BAHD1: variants seen among roughly 807,000 people sequenced by gnomAD.
The protein encoded by BAHD1 is bromo adjacent homology domain-containing 1 protein.
Under a neutral mutation model 63.1 loss-of-function variants are expected in BAHD1, and 20 were observed. The ratio of observed to expected loss-of-function variants is 0.32; its 90% CI spans 0.22 to 0.46. The LOEUF (loss-of-function observed/expected upper bound fraction) is 0.46, where lower values mean the gene tolerates loss of function less well. BAHD1 is among the 20% of genes least tolerant of loss of function. The pLI is 1.00. For synonymous variants in BAHD1, 408 were observed against 426.8 expected (o/e 0.96, Z 0.54); for missense variants, 939 against 1,071.8 (o/e 0.88, Z 1.73).
chr15:40,454,579 G>C (rs1893796372), intron 1 of BAHD1: 1 of 152,198 alleles, frequency 6.6e-6, no homozygotes, highest in Non-Finnish European at 1.5e-5. Flanking sequence ...CCTGGCAGCT[G>C]TGTCAGAGCT....
chr15:40,464,253 T>A (rs1265676427), intron 4 of BAHD1: 1 of 648,550 alleles, frequency 1.5e-6, no homozygotes, highest in Non-Finnish European at 2.6e-6. Flanking sequence ...TGGGCACCTG[T>A]CCCCCCACCT....
chr15:40,459,703 G>A lies in BAHD1; in HGVS notation c.1239G>A (p.Glu413=). 1.9e-6 allele frequency: 3 copies of A among 1,614,018 alleles called. No homozygotes were observed. The highest frequency in any genetic ancestry group is 2.5e-6 in the Non-Finnish European group (3 of 1,179,992). Residue 413 remains glutamate, a synonymous_variant, in exon 2 of 7, where the codon GAG becomes GAA. Coordinates refer to ENST00000416165, the MANE Select transcript of BAHD1 (RefSeq NM_014952.5). Reference sequence around the variant, plus strand: ...CCCCAGTGGCTGCACCTCACGAGGAGGGGCTCCTCTTAGCTCCGAGCTCAG... The same window carrying A: ...CCCCAGTGGCTGCACCTCACGAGGAAGGGCTCCTCTTAGCTCCGAGCTCAG... ...KLSPVAAPHE[E]GLLLAPSSVP...
chr15:40,443,648 T>C (rs535719895), intron 1 of BAHD1, among the ~76,000 whole-genome samples: 30 of 152,260 alleles, frequency 2.0e-4, no homozygotes, highest in Admixed American at 1.2e-3. Context: ...TCTCCCTCTC[T>C]TTCTTCCTTT....
At chr15:40,449,138 G>GT (rs201038799) in intron 1 of BAHD1, among the ~76,000 whole-genome samples, 90 of 151,996 alleles carry the variant, frequency 5.9e-4, no homozygotes, top group Middle Eastern at 3.4e-3. Flanking sequence ...CTTTGTACCT[G>GT]TTTTTTTTCC....
At chr15:40,438,556 A>C (rs1200870311), upstream of BAHD1, among the ~76,000 whole-genome samples, 1 of 152,134 alleles carries the variant, frequency 6.6e-6, no homozygotes. Context: ...GAACTCCTCC[A>C]GCGGCCAGGC....
chr15:40,437,540 G>C (rs1298776167), upstream of BAHD1, among the ~76,000 whole-genome samples: 1 of 152,238 alleles, frequency 6.6e-6, no homozygotes, highest in African/African-American at 2.4e-5. Flanking sequence ...CCAAAGAGCT[G>C]TGCCCTTCAG....
chr15:40,459,791 G>T lies in BAHD1; in HGVS notation c.1327G>T (p.Asp443Tyr), dbSNP rs1383230040. Residue 443 changes from aspartate to tyrosine, a missense_variant, in exon 2 of 7, where the codon GAC (aspartate) becomes TAC (tyrosine). Asp to Tyr is a radical substitution (Grantham distance 160). Around this residue, in one of 5 missense-constraint regions of BAHD1, gnomAD observed 797 missense variants for 813.3 expected, o/e 0.98. Transcript: ENST00000416165. ...CTCCTCTCGCTACTGCTCTAGCGAGGACACTGGAGTGAATGGCTACAGCAT... is the reference window on the plus strand; with the variant it reads ...CTCCTCTCGCTACTGCTCTAGCGAGTACACTGGAGTGAATGGCTACAGCAT... ...WGSSRYCSSE[D>Y]TGVNGYSICG... 1.9e-6 allele frequency: 3 copies of T among 1,613,668 alleles called. No individual in the cohort carries two copies. Among genetic ancestry groups the T allele is most frequent in the South Asian group, 2.2e-5 (2 of 91,092 alleles).
intron 1 of BAHD1, among the ~76,000 whole-genome samples, chr15:40,449,524 G>C (rs1181853942): frequency 6.6e-6 from 1 of 152,252 alleles, no homozygotes; most frequent in East Asian, 1.9e-4. Flanking sequence ...ATGAGGCCAG[G>C]CATGGTGACT....
Position 40,458,708 on chromosome 15 carries a change from G to A in BAHD1, c.244G>A (p.Gly82Ser), listed in dbSNP as rs1309762687. The A allele has an allele frequency of 1.1e-5, 18 of 1,613,738 alleles. No homozygotes were observed. Among genetic ancestry groups the A allele is most frequent in the South Asian group, 4.4e-5 (4 of 91,078 alleles). The change falls in exon 2 of 7, where the codon GGT becomes AGT. Residue 82 changes from glycine to serine, a missense_variant. Coordinates refer to ENST00000416165, the MANE Select transcript of BAHD1 (RefSeq NM_014952.5). This position sits in a 1 kb window ranked among gnomAD's most constrained non-coding sequence, Gnocchi z 4.7. ...GCTGACTCGCCTGGAGAATGTGGCC[G>A]GTCCCCGGAGTGCAGATGAGGCTGA... ...VLLTRLENVA[G>S]PRSADEADEL...
chr15:40,462,514 GAC>G (rs1440295340), intron 3 of BAHD1, among the ~76,000 whole-genome samples: 1 of 152,014 alleles, frequency 6.6e-6, no homozygotes, highest in African/African-American at 2.4e-5. Flanking sequence ...GAGGTCAGGA[GAC>G]ACACAGTCAT....
chr15:40,449,366 CT>C (rs1298821514), intron 1 of BAHD1, among the ~76,000 whole-genome samples: 2 of 152,208 alleles, frequency 1.3e-5, no homozygotes, highest in African/African-American at 4.8e-5. Flanking sequence ...TAGTTCTTTG[CT>C]CCTGATTTCA....
rs1595858893 is a variant in BAHD1 at position 40,458,936 on chromosome 15, G to C, written c.472G>C (p.Asp158His). 1 of 1,595,092 alleles carries C rather than the reference G, an allele frequency of 6.3e-7. No individual in the cohort carries two copies. Among genetic ancestry groups the C allele is most frequent in the East Asian group, 2.2e-5 (1 of 44,670 alleles). The change falls in exon 2 of 7, where the codon GAT becomes CAT. Residue 158 changes from aspartate (D) to histidine (H), a missense_variant. Around this residue, in one of 5 missense-constraint regions of BAHD1, gnomAD observed 797 missense variants for 813.3 expected, o/e 0.98. Coordinates refer to ENST00000416165, the MANE Select transcript of BAHD1 (RefSeq NM_014952.5). This position sits in a 1 kb window ranked among gnomAD's most constrained non-coding sequence, Gnocchi z 4.7. The part of the protein sequence containing the change: ...AGDPHRSRDR[D>H]RATGGWSSSK... ...GGATCCCCACCGCAGCCGTGACCGT[G>C]ATCGTGCTACTGGGGGCTGGTCCTC...
At chr15:40,460,769 TC>T (rs141164559) in intron 2 of BAHD1, among the ~76,000 whole-genome samples, 1,810 of 152,286 alleles carry the variant, frequency 0.012, 27 homozygotes, top group South Asian at 0.065. Flanking sequence ...CTTCCAGATC[TC>T]CCTTCCCCTG....
chr15:40,450,953 C>T (rs1024816483), intron 1 of BAHD1, among the ~76,000 whole-genome samples: 3 of 151,984 alleles, frequency 2.0e-5, no homozygotes, highest in Non-Finnish European at 4.4e-5. Flanking sequence ...GCCTGGCCAA[C>T]ATGGTGAAAA....
At chr15:40,460,601 T>A (rs1595861096) in intron 2 of BAHD1, among the ~76,000 whole-genome samples, 1 of 152,316 alleles carries the variant, frequency 6.6e-6, no homozygotes, top group Non-Finnish European at 1.5e-5. Context: ...GAGAGGCCCA[T>A]GCTCCGGCTG....
Position 40,459,310 on chromosome 15 carries a change from A to G in BAHD1, c.846A>G (p.Pro282=), listed in dbSNP as rs1323324373. Reference sequence around the variant, plus strand: ...GCTGGCAAGGCTGCCCTGATGAACCATGGCCATCTGCAACTCCTTGTGGGC... The same window carrying G: ...GCTGGCAAGGCTGCCCTGATGAACCGTGGCCATCTGCAACTCCTTGTGGGC... ...PPGWQGCPDE[P]WPSATPCGPS... Residue 282 remains proline (P), a synonymous_variant, in exon 2 of 7, where the codon CCA becomes CCG. Transcript: ENST00000416165. 1 of 1,612,922 alleles carries G rather than the reference A, an allele frequency of 6.2e-7. No individual in the cohort carries two copies. The highest frequency in any genetic ancestry group is 8.5e-7 in the Non-Finnish European group (1 of 1,180,024).
rs553024406 is a variant in BAHD1 at position 40,454,960 on chromosome 15, A to C, written c.-14-3491A>C. On this transcript the variant is annotated intron_variant, in intron 1 of 6. Coordinates refer to ENST00000416165, the MANE Select transcript of BAHD1 (RefSeq NM_014952.5). ...TGGCAGGCTTGTAGCCCCTCCACCC[A>C]GCCCCACCCCAGGGAAAAAGTTGCA... Among the ~76,000 whole-genome samples, 3 of 152,266 alleles carry C rather than the reference A, an allele frequency of 2.0e-5. No homozygotes were observed. In the South Asian group the frequency reaches 6.2e-4, roughly 32 times the overall value.
At chr15:40,451,003 T>C (rs1232235049) in intron 1 of BAHD1, among the ~76,000 whole-genome samples, 1 of 151,692 alleles carries the variant, frequency 6.6e-6, no homozygotes, top group Non-Finnish European at 1.5e-5. Context: ...CTGGGCGTGG[T>C]GGTGGGTGAC....
At chr15:40,456,520 G>A (rs971334187) in intron 1 of BAHD1, among the ~76,000 whole-genome samples, 1 of 152,190 alleles carries the variant, frequency 6.6e-6, no homozygotes, top group African/African-American at 2.4e-5. Context: ...CCAGTTTTCC[G>A]TGTCCTTTCT....
Sources: allele counts gnomAD v4.1 joint callset (sites outside exome capture counted in the v4.1 genomes callset), GRCh38; gene constraint gnomAD v4.1.1; regional missense constraint gnomAD v4.1.1; non-coding constraint Gnocchi (gnomAD v3.1); transcripts MANE v1.5; gene names NCBI Gene and HGNC (gene_info 2026-07-23, HGNC 2026-07-21).